Variants in SLC23A2 observed in about 807,000 individuals in gnomAD.
SLC23A2 encodes solute carrier family 23 member 2.
Under a neutral mutation model 73.3 loss-of-function variants are expected in SLC23A2, and 36 were observed. The observed-to-expected ratio is 0.49, with a 90% CI of 0.38 to 0.65. The LOEUF is 0.65. SLC23A2 is among the 30% of genes least tolerant of loss of function. SLC23A2 has a pLI of 0.00. For synonymous variants in SLC23A2, 343 were observed against 327.3 expected (o/e 1.05, Z -0.52); for missense variants, 507 against 841.6 (o/e 0.60, Z 4.92).
At chr20:4,897,975 T>C (rs184008502) in intron 6 of SLC23A2, among the ~76,000 whole-genome samples, 18 of 152,294 alleles carry the variant, frequency 1.2e-4, no homozygotes, top group African/African-American at 4.3e-4. Flanking sequence ...GAACCAGTGC[T>C]CCATGGGCAA....
In SLC23A2 at chr20:4,881,315, T is replaced by C. The variant is rs143684913; in HGVS notation, c.824+2327A>G. On this transcript the variant is annotated intron_variant, in intron 9 of 16. Transcript: ENST00000338244. ...TCTGAACTACAGGTTTCCATGGAAC[T>C]ATCCACCATCAAAGAAATGCGATTT... Among the ~76,000 whole-genome samples the C allele has an allele frequency of 1.5e-3, 229 of 152,264 alleles. 5 individuals are homozygous for C. Among genetic ancestry groups the C allele is most frequent in the Middle Eastern group, 0.01 (3 of 294 alleles).
In SLC23A2 at chr20:4,912,984, G is replaced by A. The variant is rs771550574; in HGVS notation, c.109-6C>T. The A allele has an allele frequency of 2.5e-6, 4 of 1,594,156 alleles. No individual in the cohort carries two copies. The highest frequency in any genetic ancestry group is 3.3e-4 in the Middle Eastern group (2 of 6,020). The stretch of plus-strand genomic sequence containing the variant: ...GCGCCTCCATTTATCACCACCTGCA[G>A]AGACAATCCACTTAGAGGCTGTTTC... On this transcript the variant is annotated splice_polypyrimidine_tract_variant and splice_region_variant and intron_variant, in intron 3 of 16. Transcript: ENST00000338244.
intron 1 of SLC23A2, among the ~76,000 whole-genome samples, chr20:5,006,554 T>TATTC (rs2088193846): frequency 1.4e-5 from 2 of 139,084 alleles, no homozygotes; most frequent in Admixed American, 1.5e-4. Flanking sequence ...CCATTTTATT[T>TATTC]ATTTATTTAT....
intron 3 of SLC23A2, among the ~76,000 whole-genome samples, chr20:4,930,993 A>G (rs917620585): frequency 1.3e-5 from 2 of 150,156 alleles, no homozygotes; most frequent in East Asian, 3.9e-4. Context: ...TTTTTTAAGA[A>G]AAGTTATTTT....
intron 1 of SLC23A2, among the ~76,000 whole-genome samples, chr20:4,988,324 G>GT (rs1370191086): frequency 3.3e-5 from 5 of 150,728 alleles, no homozygotes; most frequent in African/African-American, 9.8e-5. Flanking sequence ...GTAGCTGACC[G>GT]TGTGTGGTGG....
At position 4,853,093 on chromosome 20, in the gene SLC23A2, T is replaced by A. The variant is rs1034350484; in HGVS notation, c.*3879A>T. On this transcript the variant is annotated 3_prime_UTR_variant, in exon 17 of 17. Transcript: ENST00000338244. ...TACAACAGGCAGCACGTTAAGTCCC[T>A]GGGCTCTTTTCCAAAGCCAAGAGGA... is the stretch of plus-strand genomic sequence containing the variant. 1 of 152,288 alleles carries A rather than the reference T, an allele frequency of 6.6e-6. No homozygotes were observed. Among genetic ancestry groups the A allele is most frequent in the Non-Finnish European group, 1.5e-5 (1 of 68,062 alleles). The allele number at this position is 152,288 out of a possible 1,614,324, so 9.4% of individuals were successfully genotyped here.
chr20:4,908,539 A>T (rs1932034636), intron 4 of SLC23A2, among the ~76,000 whole-genome samples: 1 of 152,236 alleles, frequency 6.6e-6, no homozygotes, highest in Admixed American at 6.5e-5. Flanking sequence ...AAATGTGAAT[A>T]AAGCTTGTAG....
intron 1 of SLC23A2, among the ~76,000 whole-genome samples, chr20:4,975,679 C>T (rs1415145659): frequency 6.6e-6 from 1 of 151,230 alleles, no homozygotes; most frequent in Non-Finnish European, 1.5e-5. Context: ...CCGTGCCCCG[C>T]CTGTTTTTTT....
chr20:4,981,689 T>C (rs995898350), intron 1 of SLC23A2, among the ~76,000 whole-genome samples: 5 of 151,668 alleles, frequency 3.3e-5, no homozygotes, highest in African/African-American at 1.2e-4. Flanking sequence ...TCCCTTTCTT[T>C]CTTTCTTCCT....
chr20:4,983,722 C>A (rs2087770392), intron 1 of SLC23A2, among the ~76,000 whole-genome samples: 1 of 150,066 alleles, frequency 6.7e-6, no homozygotes, highest in Admixed American at 6.7e-5. Flanking sequence ...TTTGGGAGGC[C>A]AAGGTGGGCA....
chr20:4,989,230 C>T (rs1437166364), intron 1 of SLC23A2, among the ~76,000 whole-genome samples: 1 of 144,888 alleles, frequency 6.9e-6, no homozygotes, highest in African/African-American at 2.6e-5. Context: ...GAGCGAGACC[C>T]CGTCTCAAAA....
At position 4,870,576 on chromosome 20, in the gene SLC23A2, C is replaced by CA. The variant is rs60409452; in HGVS notation, c.1103-524dup. ...TGGGTGATAGAGCGAGACTCCATCT[C>CA]AAAAAAAAAAAAGAAGAAAAAGAAG... is the stretch of plus-strand genomic sequence containing the variant. On this transcript the variant is annotated intron_variant, in intron 11 of 16. Transcript: ENST00000338244. Among the ~76,000 whole-genome samples the CA allele has an allele frequency of 3.3e-3, 466 of 140,028 alleles. 2 individuals carry two copies. Among genetic ancestry groups the CA allele is most frequent in the East Asian group, 0.011 (50 of 4,744 alleles). 91.9% of individuals were successfully genotyped at this position (140,028 alleles called of 152,430 possible). A position where few individuals can be genotyped will look rare whatever the true frequency, so the allele number is the denominator to read the frequency against.
chr20:4,923,099 A>C (rs1234165371), intron 3 of SLC23A2, among the ~76,000 whole-genome samples: 1 of 152,058 alleles, frequency 6.6e-6, no homozygotes, highest in East Asian at 1.9e-4. Flanking sequence ...GAGGAAAAAA[A>C]ATTAATTTTT....
rs186369180 is a variant in SLC23A2 at position 4,912,151 on chromosome 20, C to T, written c.207+729G>A. ...TGAGCCACTGAGCCCAGATTGGAGC[C>T]GCTTTGGGCAACTTTATCCTGACCT... On this transcript the variant is annotated intron_variant, in intron 4 of 16. Transcript: ENST00000338244. Among the ~76,000 whole-genome samples, 341 of 151,856 alleles carry T rather than the reference C, an allele frequency of 2.2e-3. 8 individuals carry two copies. The highest frequency in any genetic ancestry group is 0.02 in the Admixed American group (302 of 15,252).
chr20:4,944,044 T>A (rs1257057085), intron 2 of SLC23A2, among the ~76,000 whole-genome samples: 1 of 152,176 alleles, frequency 6.6e-6, no homozygotes, highest in East Asian at 1.9e-4. Flanking sequence ...ATGATAGAAA[T>A]CTACTGTTTT....
intron 2 of SLC23A2, among the ~76,000 whole-genome samples, chr20:4,941,332 C>G (rs2087037868): frequency 6.6e-6 from 1 of 152,064 alleles, no homozygotes; most frequent in South Asian, 2.1e-4. Flanking sequence ...AGTTCAAGAT[C>G]AGCCTGGGCA....
chr20:4,940,186 G>A (rs1054314400), intron 2 of SLC23A2, among the ~76,000 whole-genome samples: 1 of 152,182 alleles, frequency 6.6e-6, no homozygotes, highest in Admixed American at 6.5e-5. Context: ...GGGTGTGGTG[G>A]CATGCACCTG....
At chr20:4,876,194 T>A (rs1289002186) in intron 9 of SLC23A2, among the ~76,000 whole-genome samples, 1 of 152,242 alleles carries the variant, frequency 6.6e-6, no homozygotes, top group Non-Finnish European at 1.5e-5. Context: ...GCAATTTTCA[T>A]GTCTGGAAAA....
chr20:4,972,572 T>TG (rs11480214), intron 1 of SLC23A2, among the ~76,000 whole-genome samples: 53,770 of 146,226 alleles, frequency 0.37, 10,034 homozygotes, highest in Non-Finnish European at 0.4. Context: ...GGGGGTTTTT[T>TG]GGGGTTTTTT....
Sources: allele counts gnomAD v4.1 joint callset (sites outside exome capture counted in the v4.1 genomes callset), GRCh38; gene constraint gnomAD v4.1.1; transcripts MANE v1.5; gene names NCBI Gene and HGNC (gene_info 2026-07-23, HGNC 2026-07-21).